Variants in PITPNC1 observed in about 807,000 individuals in gnomAD.
The protein encoded by PITPNC1 is phosphatidylinositol transfer protein cytoplasmic 1.
PITPNC1 carries 18 observed loss-of-function variants against 44.7 expected under a neutral mutation model. The observed-to-expected ratio is 0.40, with a 90% confidence interval of 0.28 to 0.60. The LOEUF (loss-of-function observed/expected upper bound fraction) is 0.60, where lower values mean the gene tolerates loss of function less well. Among genes scored for constraint, PITPNC1 ranks in the 20% least tolerant of loss-of-function variants. PITPNC1 has a pLI of 0.39. For missense variants in PITPNC1, 290 were observed against 418.4 expected (o/e 0.69, Z 2.68); for synonymous variants, 141 against 149.6 (o/e 0.94, Z 0.42).
chr17:67,556,973 G>A (rs1324763348), intron 4 of PITPNC1, among the ~76,000 whole-genome samples: 1 of 152,210 alleles, frequency 6.6e-6, no homozygotes, highest in Non-Finnish European at 1.5e-5. Flanking sequence ...GTTTCTCAGA[G>A]AAGGTCGCAT....
rs772483698 is a variant in PITPNC1 at position 67,513,489 on chromosome 17, G to GTGTGTATATA, written c.49-19312_49-19311insGTGTATATAT. Among the ~76,000 whole-genome samples the GTGTGTATATA allele has an allele frequency of 2.1e-3, 287 of 138,660 alleles. 3 individuals carry two copies. The highest frequency in any genetic ancestry group is 7.4e-3 in the African/African-American group (277 of 37,378). 91.0% of individuals were successfully genotyped at this position (138,660 alleles called of 152,430 possible). A position where few individuals can be genotyped will look rare whatever the true frequency, so the allele number is the denominator to read the frequency against. On this transcript the variant is annotated intron_variant, in intron 1 of 8. Coordinates refer to ENST00000581322, the MANE Select transcript of PITPNC1 (RefSeq NM_012417.4). ...ATATTTTTACTATATGTGTGTGTGTGTATATATATATATATATATATATAG... is the reference window on the plus strand; with the variant it reads ...ATATTTTTACTATATGTGTGTGTGTGTGTGTATATATATATATATATATATATATATATAG...
chr17:67,463,115 T>C (rs1167599819), intron 1 of PITPNC1, among the ~76,000 whole-genome samples: 1 of 152,254 alleles, frequency 6.6e-6, no homozygotes. Flanking sequence ...TGTGTACATA[T>C]ATAATTATAT....
At chr17:67,618,976 G>T (rs764915027) in intron 5 of PITPNC1, among the ~76,000 whole-genome samples, 1 of 151,388 alleles carries the variant, frequency 6.6e-6, no homozygotes, top group Non-Finnish European at 1.5e-5. Context: ...GAAGAATGGC[G>T]TGAACCCGGG....
intron 5 of PITPNC1, among the ~76,000 whole-genome samples, chr17:67,581,629 G>A (rs756358452): frequency 1.8e-4 from 28 of 152,146 alleles, no homozygotes; most frequent in Admixed American, 5.9e-4. Flanking sequence ...TGGACCACAC[G>A]GCCCAGCCCC....
chr17:67,401,794 G>A (rs2038316564), intron 1 of PITPNC1, among the ~76,000 whole-genome samples: 1 of 151,750 alleles, frequency 6.6e-6, no homozygotes, highest in African/African-American at 2.4e-5. Flanking sequence ...AGTTAGCCGG[G>A]ATTGCGCCAC....
chr17:67,468,313 C>T (rs778050041), intron 1 of PITPNC1, among the ~76,000 whole-genome samples: 2 of 151,244 alleles, frequency 1.3e-5, no homozygotes, highest in African/African-American at 2.4e-5. Context: ...ACACTGGGGG[C>T]GTGCAGGAGC....
At chr17:67,391,464 A>G (rs946088919) in intron 1 of PITPNC1, among the ~76,000 whole-genome samples, 53 of 152,118 alleles carry the variant, frequency 3.5e-4, no homozygotes, top group African/African-American at 1.2e-3. Context: ...TGTTGAAAAT[A>G]ACTAGTTTAT....
At chr17:67,576,368 T>A (rs910363994) in intron 4 of PITPNC1, among the ~76,000 whole-genome samples, 2 of 152,150 alleles carry the variant, frequency 1.3e-5, no homozygotes, top group Non-Finnish European at 2.9e-5. Flanking sequence ...ATGGTAATAG[T>A]ACCTCCTTCA....
chr17:67,527,074 T>G (rs1400358023), intron 1 of PITPNC1, among the ~76,000 whole-genome samples: 4 of 152,236 alleles, frequency 2.6e-5, no homozygotes, highest in African/African-American at 7.2e-5. Context: ...GCATAATTGC[T>G]CCACCATTCC....
chr17:67,550,430 A>G (rs1347785304), intron 2 of PITPNC1, among the ~76,000 whole-genome samples: 1 of 151,808 alleles, frequency 6.6e-6, no homozygotes, highest in African/African-American at 2.4e-5. Context: ...CAGAAATAAG[A>G]GAAACAACTG....
At chr17:67,569,114 G>GA (rs3834575) in intron 4 of PITPNC1, among the ~76,000 whole-genome samples, 3 of 53,620 alleles carry the variant, frequency 5.6e-5, no homozygotes, top group Non-Finnish European at 1.5e-4. Context: ...CAGAAATAAG[G>GA]GCTGCCAGCA....
intron 1 of PITPNC1, among the ~76,000 whole-genome samples, chr17:67,496,601 T>TTTAA (rs2039955564): frequency 6.6e-6 from 1 of 152,112 alleles, no homozygotes; most frequent in Non-Finnish European, 1.5e-5. Flanking sequence ...TTCACTCTGG[T>TTTAA]TTAACCCTCC....
At chr17:67,631,358 G>C (rs549017977) in intron 5 of PITPNC1, among the ~76,000 whole-genome samples, 2 of 149,370 alleles carry the variant, frequency 1.3e-5, no homozygotes, top group East Asian at 3.9e-4. Flanking sequence ...GGCCGGGCGC[G>C]GTGGCTCACG....
intron 1 of PITPNC1, among the ~76,000 whole-genome samples, chr17:67,477,102 A>C (rs534100267): frequency 2.0e-5 from 3 of 152,024 alleles, no homozygotes; most frequent in African/African-American, 7.2e-5. Flanking sequence ...TATTTATGAG[A>C]CAGGTCTCTG....
chr17:67,673,983 A>T (rs2042558217), intron 7 of PITPNC1, among the ~76,000 whole-genome samples: 1 of 151,542 alleles, frequency 6.6e-6, no homozygotes, highest in Admixed American at 6.6e-5. Flanking sequence ...AAAAAAAAAA[A>T]AAAAAAGATA....
chr17:67,505,262 A>C (rs1325799852), intron 1 of PITPNC1, among the ~76,000 whole-genome samples: 1 of 152,126 alleles, frequency 6.6e-6, no homozygotes, highest in Middle Eastern at 3.2e-3. Flanking sequence ...TTCTGTTTCC[A>C]TGTTGATCTT....
chr17:67,673,072 A>T (rs2042541842), intron 7 of PITPNC1, among the ~76,000 whole-genome samples: 1 of 152,180 alleles, frequency 6.6e-6, no homozygotes, highest in Admixed American at 6.6e-5. Context: ...AAGTGTGTAT[A>T]GCTGTGTGTT....
intron 5 of PITPNC1, among the ~76,000 whole-genome samples, chr17:67,601,480 G>A (rs1222697565): frequency 3.3e-5 from 5 of 152,210 alleles, no homozygotes; most frequent in Admixed American, 1.3e-4. Context: ...TGGGCACCCC[G>A]TGGCTCATCC....
chr17:67,466,640 G>T (rs887586933), intron 1 of PITPNC1, among the ~76,000 whole-genome samples: 1 of 152,124 alleles, frequency 6.6e-6, no homozygotes, highest in African/African-American at 2.4e-5. Context: ...ATTCAGTGTT[G>T]TTAGCCCTTT....
Sources: allele counts gnomAD v4.1 joint callset (sites outside exome capture counted in the v4.1 genomes callset), GRCh38; gene constraint gnomAD v4.1.1; transcripts MANE v1.5; gene names NCBI Gene and HGNC (gene_info 2026-07-23, HGNC 2026-07-21).